The following XRCC6 variants were observed in gnomAD, a reference collection of about 807,000 sequenced individuals.
XRCC6 encodes X-ray repair cross complementing 6.
In XRCC6, 5 loss-of-function variants were observed where a neutral mutation model predicts 65.7. The ratio of observed to expected loss-of-function variants is 0.08; its 90% confidence interval spans 0.04 to 0.16. The LOEUF (loss-of-function observed/expected upper bound fraction) is 0.16, where lower values mean the gene tolerates loss of function less well. Among genes scored for constraint, XRCC6 ranks in the 10% least tolerant of loss-of-function variants. The probability of loss-of-function intolerance (pLI) is 1.00; values close to 1 mark genes in which losing one functional copy is unlikely to be tolerated. For synonymous variants in XRCC6, 270 were observed against 270.6 expected, an observed-to-expected ratio of 1.00 and a Z score of 0.02; for missense variants, 447 against 738.1, an observed-to-expected ratio of 0.61 and a Z score of 4.57.
chr22:41,644,226 T>A (rs1256469257), intron 6 of XRCC6, among the ~76,000 whole-genome samples: 1 of 152,188 alleles, frequency 6.6e-6, no homozygotes, highest in Non-Finnish European at 1.5e-5. Flanking sequence ...TTCAAAAATT[T>A]CAGGTTTTCC....
chr22:41,632,170 T>G (rs556093054), intron 3 of XRCC6, among the ~76,000 whole-genome samples: 8,007 of 146,150 alleles, frequency 0.055, 675 homozygotes, highest in African/African-American at 0.2. Context: ...GGGAGAGGGA[T>G]AGGGAGAGGG....
chr22:41,649,139 A>AAATATATATATATATATAT, intron 7 of XRCC6, among the ~76,000 whole-genome samples: 1 of 88,736 alleles, frequency 1.1e-5, no homozygotes, highest in Non-Finnish European at 2.1e-5. Context: ...AAAAAAAAAA[A>AAATATATATATATATATAT]ATATATATAT....
Position 41,653,586 on chromosome 22 carries a change from C to G in XRCC6, c.1187C>G (p.Ala396Gly). 1 of 1,614,046 alleles carries G rather than the reference C, an allele frequency of 6.2e-7. No individual in the cohort carries two copies. Residue 396 changes from alanine to glycine, a missense_variant, in exon 9 of 13, where the codon GCA becomes GGA. Physicochemically the swap from Ala to Gly is moderately conservative, Grantham distance 60 (BLOSUM62 0). Transcript: ENST00000360079. ...AAGTGTCTGGAGAAGGAGGTTGCAG[C>G]ATTGTGCAGATACACACCCCGCAGG... ...LIKCLEKEVAALCRYTPRRNI... is the reference protein window; with the variant it reads ...LIKCLEKEVAGLCRYTPRRNI...
At chr22:41,649,503 C>G (rs2067973617) in intron 7 of XRCC6, among the ~76,000 whole-genome samples, 1 of 151,982 alleles carries the variant, frequency 6.6e-6, no homozygotes. Context: ...ATGTGTGTGT[C>G]TCTGCCTTCC....
intron 7 of XRCC6, among the ~76,000 whole-genome samples, chr22:41,649,848 AAT>A (rs753091471): frequency 1.6e-3 from 157 of 96,424 alleles, no homozygotes; most frequent in Non-Finnish European, 2.0e-3. Context: ...CAAAAAAAAA[AAT>A]AATAATAAAT....
intron 12 of XRCC6, among the ~76,000 whole-genome samples, chr22:41,662,213 A>G (rs2147120935): frequency 6.6e-6 from 1 of 152,360 alleles, no homozygotes; most frequent in East Asian, 1.9e-4. Context: ...CTAAAGGAAT[A>G]CAATTGGAAT....
intron 3 of XRCC6, among the ~76,000 whole-genome samples, chr22:41,631,454 G>C (rs2067749076): frequency 6.6e-6 from 1 of 150,988 alleles, no homozygotes; most frequent in African/African-American, 2.4e-5. Context: ...TCTCAGATGG[G>C]GCGGCTGGGC....
intron 3 of XRCC6, among the ~76,000 whole-genome samples, chr22:41,629,534 A>T (rs994025538): frequency 6.6e-6 from 1 of 152,240 alleles, no homozygotes; most frequent in Non-Finnish European, 1.5e-5. Context: ...TACCTGAGGC[A>T]CAGGGAAGAG....
intron 6 of XRCC6, among the ~76,000 whole-genome samples, chr22:41,639,645 A>T (rs1162994283): frequency 2.2e-5 from 3 of 134,502 alleles, no homozygotes; most frequent in African/African-American, 5.7e-5. Context: ...CCATGTGTCC[A>T]TGTGTAGCCT....
intron 3 of XRCC6, among the ~76,000 whole-genome samples, chr22:41,632,422 C>T (rs1049797734): frequency 6.6e-6 from 1 of 151,388 alleles, no homozygotes; most frequent in African/African-American, 2.4e-5. Context: ...ACCAGCCTGG[C>T]CAACATGGTG....
intron 10 of XRCC6, among the ~76,000 whole-genome samples, chr22:41,657,620 G>C (rs955402636): frequency 1.3e-5 from 2 of 151,576 alleles, no homozygotes; most frequent in Admixed American, 6.6e-5. Flanking sequence ...CCTGGGCTCA[G>C]GTGATTCTCC....
chr22:41,621,728 G>A (rs2067608035), intron 1 of XRCC6: 2 of 471,986 alleles, frequency 4.2e-6, no homozygotes, highest in Admixed American at 7.4e-5. Flanking sequence ...AATGGCGTCG[G>A]GGGCGGGACC....
chr22:41,649,967 C>T (rs909343244), intron 7 of XRCC6, among the ~76,000 whole-genome samples: 12 of 151,994 alleles, frequency 7.9e-5, no homozygotes, highest in Admixed American at 2.0e-4. Flanking sequence ...GGGAGGTTGC[C>T]GTGAGTCGAG....
chr22:41,626,637 T>G (rs1212612590), intron 2 of XRCC6, among the ~76,000 whole-genome samples: 7 of 147,254 alleles, frequency 4.8e-5, no homozygotes, highest in African/African-American at 1.2e-4. Flanking sequence ...GTTTGTTTTT[T>G]TTTTTGTTTT....
chr22:41,659,718 C>G (rs28741131), intron 11 of XRCC6, among the ~76,000 whole-genome samples: 1 of 152,118 alleles, frequency 6.6e-6, no homozygotes, highest in Non-Finnish European at 1.5e-5. Flanking sequence ...GGTTCTCACT[C>G]TTGTCACCCA....
rs2068077375 is a variant in XRCC6, at chr22:41,659,236, A to G, written c.1522+884A>G. Among the ~76,000 whole-genome samples, 3 of 152,110 alleles carry G rather than the reference A, an allele frequency of 2.0e-5. No individual in the cohort carries two copies. In the South Asian group the frequency reaches 6.2e-4, roughly 31 times the overall value. ...ACCATTGTTACTGTGGTGCCTGCTT[A>G]GCTGTGTCTGGCGAAAGAGAAACGT... On this transcript the variant is annotated intron_variant, in intron 11 of 12. Transcript: ENST00000360079.
chr22:41,653,781 GTC>G, intron 9 of XRCC6, 91 bp downstream of exon 9: 1 of 1,458,556 alleles, frequency 6.9e-7, no homozygotes, highest in African/African-American at 1.4e-5. Context: ...CTGAATCATA[GTC>G]TCTGGGAATG....
chr22:41,646,697 A>G (rs1047755404), intron 6 of XRCC6, among the ~76,000 whole-genome samples, 199 bp from the exon 7 acceptor site: 2 of 152,208 alleles, frequency 1.3e-5, no homozygotes, highest in African/African-American at 4.8e-5. Context: ...CATTGTTTTA[A>G]GTAGTTAATA....
At chr22:41,658,493 T>C in intron 11 of XRCC6, 141 bp downstream of exon 11, 1 of 779,892 alleles carries the variant, frequency 1.3e-6, no homozygotes. Context: ...TGGAAGCTTT[T>C]CCAGACCAGC....
Sources: allele counts gnomAD v4.1 joint callset (sites outside exome capture counted in the v4.1 genomes callset), GRCh38; gene constraint gnomAD v4.1.1; transcripts MANE v1.5; gene names NCBI Gene and HGNC (gene_info 2026-07-23, HGNC 2026-07-21).